CTNNBL1: variants seen among roughly 807,000 people sequenced by gnomAD.
CTNNBL1 encodes catenin beta like 1.
Under a neutral mutation model 72.7 loss-of-function variants are expected in CTNNBL1, and 31 were observed. The ratio of observed to expected loss-of-function variants is 0.43; its 90% CI spans 0.32 to 0.58. The LOEUF (loss-of-function observed/expected upper bound fraction) is 0.58, where lower values mean the gene tolerates loss of function less well. Among genes scored for constraint, CTNNBL1 ranks in the 20% least tolerant of loss-of-function variants. The pLI is 0.08. For missense variants in CTNNBL1, 534 were observed against 725.1 expected (o/e 0.74, Z 3.03); for synonymous variants, 240 against 267.3 (o/e 0.90, Z 1.00).
At chr20:37,746,702 A>C (rs527939808) in intron 4 of CTNNBL1, 95 bp downstream of exon 4, 2 of 1,415,530 alleles carry the variant, frequency 1.4e-6, no homozygotes, top group East Asian at 4.6e-5. Context: ...GTGTGCTATA[A>C]AATCTGATGT....
chr20:37,694,240 G>T, intron 1 of CTNNBL1, 88 bp downstream of exon 1: 1 of 1,235,584 alleles, frequency 8.1e-7, no homozygotes, highest in Non-Finnish European at 1.1e-6. Flanking sequence ...ACCTCCTCTC[G>T]CCTCACTCCC....
At chr20:37,835,516 C>T (rs904747979) in intron 11 of CTNNBL1, among the ~76,000 whole-genome samples, 1 of 152,172 alleles carries the variant, frequency 6.6e-6, no homozygotes, top group African/African-American at 2.4e-5. Flanking sequence ...TATGAGAAGA[C>T]AGATGCTCAT....
At chr20:37,804,405 C>A (rs1158621040) in intron 11 of CTNNBL1, among the ~76,000 whole-genome samples, 1 of 152,108 alleles carries the variant, frequency 6.6e-6, no homozygotes, top group Non-Finnish European at 1.5e-5. Context: ...TGGTGGCATC[C>A]TTATTTTTTT....
intron 15 of CTNNBL1, among the ~76,000 whole-genome samples, chr20:37,866,151 C>T (rs768027263): frequency 1.9e-4 from 29 of 152,226 alleles, no homozygotes; most frequent in Non-Finnish European, 3.5e-4. Context: ...AGCCCTGTAG[C>T]CAGCGGCCTT....
intron 1 of CTNNBL1, among the ~76,000 whole-genome samples, chr20:37,708,553 G>A (rs556987114): frequency 1.3e-5 from 2 of 152,144 alleles, no homozygotes. Flanking sequence ...AAAAAATGAG[G>A]TATGCTTGTA....
At chr20:37,758,318 T>C (rs2073383218) in intron 5 of CTNNBL1, among the ~76,000 whole-genome samples, 1 of 152,204 alleles carries the variant, frequency 6.6e-6, no homozygotes, top group South Asian at 2.1e-4. Context: ...AGGCAAGGCC[T>C]CAGAATGTTC....
At chr20:37,847,323 T>G (rs1368058368) in intron 13 of CTNNBL1, among the ~76,000 whole-genome samples, 1 of 152,190 alleles carries the variant, frequency 6.6e-6, no homozygotes, top group Non-Finnish European at 1.5e-5. Context: ...GGCAGTGGCC[T>G]TCTGCTTTTA....
chr20:37,732,071 T>G (rs1442203457), intron 1 of CTNNBL1, among the ~76,000 whole-genome samples: 1 of 152,248 alleles, frequency 6.6e-6, no homozygotes, highest in Non-Finnish European at 1.5e-5. Context: ...TCAACAACAC[T>G]TTATCTTCTG....
chr20:37,832,354 G>A (rs948966393), intron 11 of CTNNBL1: 21 of 152,254 alleles, frequency 1.4e-4, no homozygotes, highest in African/African-American at 5.1e-4. Flanking sequence ...AGGTGCGTAG[G>A]TGAGCGAATC....
intron 7 of CTNNBL1, among the ~76,000 whole-genome samples, chr20:37,769,958 T>C (rs2073507755): frequency 2.0e-5 from 3 of 152,244 alleles, no homozygotes; most frequent in Admixed American, 2.0e-4. Context: ...ATCCTACTTA[T>C]TCAGCCGTTT....
At chr20:37,853,175 G>A (rs1041584607) in intron 13 of CTNNBL1, among the ~76,000 whole-genome samples, 2 of 152,070 alleles carry the variant, frequency 1.3e-5, no homozygotes, top group Non-Finnish European at 2.9e-5. Flanking sequence ...ATCTCCACAC[G>A]GGCCAGCTAA....
intron 1 of CTNNBL1, among the ~76,000 whole-genome samples, chr20:37,712,260 C>T (rs2072944855): frequency 6.6e-6 from 1 of 152,174 alleles, no homozygotes; most frequent in African/African-American, 2.4e-5. Context: ...TGTTGAGCGC[C>T]CTGGCCTGGA....
chr20:37,860,767 A>G (rs534342329), intron 15 of CTNNBL1, among the ~76,000 whole-genome samples: 34 of 152,370 alleles, frequency 2.2e-4, no homozygotes, highest in Non-Finnish European at 3.7e-4. Flanking sequence ...CCAGAAATAG[A>G]TAAGTACAGT....
At position 37,796,124 on chromosome 20, in the gene CTNNBL1, G is replaced by C. The variant is rs117149865; in HGVS notation, c.1032-6743G>C. Among the ~76,000 whole-genome samples the C allele has an allele frequency of 4.7e-3, 719 of 152,202 alleles. 2 individuals carry two copies. Among genetic ancestry groups the C allele is most frequent in the Non-Finnish European group, 7.8e-3 (530 of 68,008 alleles). ...TGTGAATTAATAAGACTTTTCTACT[G>C]TAACTGGTGGGAATACAAACTATTC... On this transcript the variant is annotated intron_variant, in intron 10 of 15. Coordinates refer to ENST00000361383, the MANE Select transcript of CTNNBL1 (RefSeq NM_030877.5).
chr20:37,766,798 T>A (rs570053411), intron 6 of CTNNBL1, among the ~76,000 whole-genome samples: 1 of 152,234 alleles, frequency 6.6e-6, no homozygotes, highest in East Asian at 1.9e-4. Context: ...ATGGAAGACC[T>A]TGTAAACCAT....
intron 7 of CTNNBL1, among the ~76,000 whole-genome samples, chr20:37,769,765 C>T (rs992821198): frequency 6.6e-6 from 1 of 152,206 alleles, no homozygotes; most frequent in African/African-American, 2.4e-5. Flanking sequence ...TTGTTTGTAA[C>T]TAAAGTAATG....
intron 11 of CTNNBL1, among the ~76,000 whole-genome samples, chr20:37,813,053 C>T (rs2072026263): frequency 6.6e-6 from 1 of 152,060 alleles, no homozygotes; most frequent in African/African-American, 2.4e-5. Flanking sequence ...CTGCAGTGAG[C>T]CTTAAACCTA....
chr20:37,766,716 A>G (rs2073472039), intron 6 of CTNNBL1, among the ~76,000 whole-genome samples: 1 of 152,108 alleles, frequency 6.6e-6, no homozygotes, highest in African/African-American at 2.4e-5. Flanking sequence ...CTGGGATTTG[A>G]GGAAAGACTA....
chr20:37,799,793 G>A (rs1168121088), intron 10 of CTNNBL1, among the ~76,000 whole-genome samples: 2 of 152,126 alleles, frequency 1.3e-5, no homozygotes, highest in Non-Finnish European at 2.9e-5. Flanking sequence ...GTGAATCTTT[G>A]TATTGTTTGA....
Sources: allele counts gnomAD v4.1 joint callset (sites outside exome capture counted in the v4.1 genomes callset), GRCh38; gene constraint gnomAD v4.1.1; transcripts MANE v1.5; gene names NCBI Gene and HGNC (gene_info 2026-07-23, HGNC 2026-07-21).